ROBO1: variants seen among roughly 807,000 people sequenced by gnomAD.
ROBO1 encodes roundabout homolog 1.
In ROBO1, 149 loss-of-function variants were observed where a neutral mutation model predicts 195.9. The observed-to-expected ratio is 0.76, with a 90% CI of 0.67 to 0.87. The LOEUF (loss-of-function observed/expected upper bound fraction) is 0.87. Ranked by LOEUF, ROBO1 falls within the 40% of genes least tolerant of loss-of-function variation. ROBO1 has a pLI of 0.00. For missense variants in ROBO1, 1,933 were observed against 2,068.3 expected, an observed-to-expected ratio of 0.93 and a Z score of 1.27; for synonymous variants, 816 against 733.2, an observed-to-expected ratio of 1.11 and a Z score of -1.82.
At chr3:79,092,522 T>C (rs184664413) in intron 3 of ROBO1, among the ~76,000 whole-genome samples, 3 of 152,312 alleles carry the variant, frequency 2.0e-5, no homozygotes, top group Non-Finnish European at 4.4e-5. Flanking sequence ...TTTGAATAAA[T>C]AAAATTTCAT....
intron 10 of ROBO1, among the ~76,000 whole-genome samples, chr3:78,684,670 T>G (rs1050184309): frequency 1.3e-5 from 2 of 151,844 alleles, no homozygotes; most frequent in African/African-American, 4.8e-5. Flanking sequence ...GCTCTGGGAG[T>G]TGATGAAGAC....
intron 1 of ROBO1, among the ~76,000 whole-genome samples, chr3:79,718,264 A>G (rs1474635709): frequency 1.3e-5 from 2 of 152,056 alleles, no homozygotes; most frequent in Non-Finnish European, 2.9e-5. Flanking sequence ...ATTTCAAGGC[A>G]ATAATATAAT....
chr3:78,670,008 T>C, intron 11 of ROBO1, 88 bp downstream of exon 11: 1 of 984,438 alleles, frequency 1.0e-6, no homozygotes, highest in Non-Finnish European at 1.5e-6. Flanking sequence ...ACTTCATTAA[T>C]TGCAAAGTTA....
chr3:78,683,195 T>G (rs952013751), intron 10 of ROBO1, among the ~76,000 whole-genome samples: 20 of 152,132 alleles, frequency 1.3e-4, no homozygotes, highest in African/African-American at 4.6e-4. Flanking sequence ...TACCAAAATA[T>G]GTGCAAAGCC....
intron 8 of ROBO1, chr3:78,693,204 C>T: frequency 9.4e-7 from 1 of 1,059,218 alleles, no homozygotes; most frequent in Middle Eastern, 2.1e-4. Context: ...TTATTCTGTG[C>T]AGTCTGTCTT....
intron 2 of ROBO1, among the ~76,000 whole-genome samples, chr3:79,535,912 T>C (rs1291314884): frequency 6.6e-6 from 1 of 152,146 alleles, no homozygotes; most frequent in Non-Finnish European, 1.5e-5. Flanking sequence ...TTTTGGTCTA[T>C]ATTTGTATGC....
chr3:78,838,368 C>T (rs1220409119), intron 4 of ROBO1, among the ~76,000 whole-genome samples: 2 of 152,164 alleles, frequency 1.3e-5, no homozygotes, highest in Non-Finnish European at 2.9e-5. Flanking sequence ...GATTGAATGA[C>T]TTTCAAAGCC....
chr3:78,678,456 G>T (rs1708576807), intron 10 of ROBO1, among the ~76,000 whole-genome samples: 1 of 151,940 alleles, frequency 6.6e-6, no homozygotes, highest in Non-Finnish European at 1.5e-5. Flanking sequence ...AAAGAGAGAA[G>T]AATCAAATGG....
intron 3 of ROBO1, among the ~76,000 whole-genome samples, chr3:78,991,998 T>G (rs1166278851): frequency 6.6e-6 from 1 of 151,962 alleles, no homozygotes; most frequent in African/African-American, 2.4e-5. Flanking sequence ...TTGTAGAAAT[T>G]AAAAGTATGA....
intron 3 of ROBO1, among the ~76,000 whole-genome samples, chr3:78,972,389 G>A (rs1000408942): frequency 3.3e-5 from 5 of 151,964 alleles, no homozygotes; most frequent in African/African-American, 4.8e-5. Flanking sequence ...ATGGATCCAC[G>A]GATTTACCTT....
At chr3:78,666,189 G>T (rs573776982) in intron 14 of ROBO1, among the ~76,000 whole-genome samples, 1 of 152,166 alleles carries the variant, frequency 6.6e-6, no homozygotes, top group East Asian at 1.9e-4. Flanking sequence ...GGCTTCCCCA[G>T]CCATGCTGAA....
chr3:78,714,747 T>C (rs1308075728), intron 7 of ROBO1: 23 of 404,496 alleles, frequency 5.7e-5, no homozygotes, highest in Non-Finnish European at 1.0e-4. Context: ...CATTTTGGGG[T>C]AAAGTTGGCA....
chr3:79,543,086 A>T (rs1242122884), intron 2 of ROBO1, among the ~76,000 whole-genome samples: 1 of 152,050 alleles, frequency 6.6e-6, no homozygotes, highest in Non-Finnish European at 1.5e-5. Context: ...ATAATGTCTG[A>T]CTTTCTTGGA....
intron 3 of ROBO1, among the ~76,000 whole-genome samples, chr3:79,073,754 T>C (rs1304007070): frequency 1.3e-5 from 2 of 151,636 alleles, no homozygotes; most frequent in Non-Finnish European, 2.9e-5. Flanking sequence ...CTGAACACAT[T>C]TGTGCTTTTA....
intron 1 of ROBO1, among the ~76,000 whole-genome samples, chr3:79,638,506 C>G (rs1945562107): frequency 6.6e-6 from 1 of 152,132 alleles, no homozygotes; most frequent in African/African-American, 2.4e-5. Flanking sequence ...TCTTGAATGC[C>G]TGACCTCAGG....
intron 28 of ROBO1, among the ~76,000 whole-genome samples, chr3:78,609,801 A>G (rs1354066176): frequency 6.6e-6 from 1 of 152,232 alleles, no homozygotes; most frequent in Non-Finnish European, 1.5e-5. Flanking sequence ...CAGCAAATTC[A>G]TGGCCCTAAG....
intron 4 of ROBO1, among the ~76,000 whole-genome samples, chr3:78,929,319 T>C (rs2039381899): frequency 6.6e-6 from 1 of 152,074 alleles, no homozygotes; most frequent in Non-Finnish European, 1.5e-5. Context: ...ATTTTATTCA[T>C]TTATAAAGAC....
chr3:79,374,176 T>G (rs969605709), intron 2 of ROBO1, among the ~76,000 whole-genome samples: 10 of 152,292 alleles, frequency 6.6e-5, no homozygotes, highest in South Asian at 2.1e-4. Context: ...TCCTTTAGTG[T>G]ATAGAGGCTG....
intron 4 of ROBO1, among the ~76,000 whole-genome samples, chr3:78,845,842 A>G (rs1287751337): frequency 6.6e-6 from 1 of 152,170 alleles, no homozygotes; most frequent in African/African-American, 2.4e-5. Context: ...TTATGAAGAA[A>G]AGCTTTGAAA....
Sources: allele counts gnomAD v4.1 joint callset (sites outside exome capture counted in the v4.1 genomes callset), GRCh38; gene constraint gnomAD v4.1.1; transcripts MANE v1.5; gene names NCBI Gene and HGNC (gene_info 2026-07-23, HGNC 2026-07-21).